The following ZNF804A variants were observed in gnomAD, a reference collection of about 807,000 sequenced individuals.
The protein encoded by ZNF804A is zinc finger protein 804A.
A neutral mutation model predicts 16.5 loss-of-function variants in ZNF804A; 2 were observed. The ratio of observed to expected loss-of-function variants is 0.12; its 90% confidence interval spans 0.05 to 0.38. The LOEUF is 0.38. Ranked by LOEUF, ZNF804A falls within the 10% of genes least tolerant of loss-of-function variation. ZNF804A has a pLI of 0.99. For missense variants in ZNF804A, 1,473 were observed against 1,390.7 expected (o/e 1.06, Z -0.94); for synonymous variants, 534 against 489.6 (o/e 1.09, Z -1.20).
At chr2:184,660,844 G>A (rs1197703968) in intron 1 of ZNF804A, among the ~76,000 whole-genome samples, 6 of 152,342 alleles carry the variant, frequency 3.9e-5, no homozygotes, top group Middle Eastern at 3.4e-3. Context: ...TGAGTTCTCA[G>A]TAGATACTAA....
intron 1 of ZNF804A, among the ~76,000 whole-genome samples, chr2:184,801,794 GA>G (rs1694731589): frequency 6.6e-6 from 1 of 152,120 alleles, no homozygotes; most frequent in African/African-American, 2.4e-5. Context: ...GTATACTTCT[GA>G]TGCTTGCTTT....
intron 2 of ZNF804A, among the ~76,000 whole-genome samples, chr2:184,919,234 C>A (rs1256431456): frequency 6.6e-6 from 1 of 152,168 alleles, no homozygotes; most frequent in Admixed American, 6.5e-5. Context: ...GGTAACACTG[C>A]CCCTTTCATG....
At chr2:184,905,685 G>A (rs1685261265) in intron 2 of ZNF804A, among the ~76,000 whole-genome samples, 1 of 152,128 alleles carries the variant, frequency 6.6e-6, no homozygotes, top group Admixed American at 6.6e-5. Context: ...AAATGGCATA[G>A]AGACTCTGTG....
At chr2:184,845,049 AT>A (rs2105801477) in intron 1 of ZNF804A, among the ~76,000 whole-genome samples, 1 of 151,960 alleles carries the variant, frequency 6.6e-6, no homozygotes, top group Non-Finnish European at 1.5e-5. Flanking sequence ...AATTTCTAAT[AT>A]TTTATTTTTA....
chr2:184,663,317 C>T (rs921741620), intron 1 of ZNF804A, among the ~76,000 whole-genome samples: 9 of 152,154 alleles, frequency 5.9e-5, no homozygotes, highest in South Asian at 2.1e-4. Flanking sequence ...TGAGCCTGGG[C>T]GCTGTCACTG....
intron 1 of ZNF804A, among the ~76,000 whole-genome samples, chr2:184,785,588 A>T (rs1294004828): frequency 6.6e-6 from 1 of 152,038 alleles, no homozygotes; most frequent in Non-Finnish European, 1.5e-5. Context: ...CATAGAAGTC[A>T]TTCACCAGAA....
intron 1 of ZNF804A, among the ~76,000 whole-genome samples, chr2:184,738,306 G>A (rs1388954642): frequency 2.0e-5 from 3 of 151,968 alleles, no homozygotes. Flanking sequence ...ACATGTGTAA[G>A]CATTTAACTT....
At chr2:184,916,890 A>G (rs1685457822) in intron 2 of ZNF804A, among the ~76,000 whole-genome samples, 1 of 151,804 alleles carries the variant, frequency 6.6e-6, no homozygotes, top group Non-Finnish European at 1.5e-5. Context: ...CAGAAAAAGA[A>G]AAAAAAATGC....
intron 1 of ZNF804A, among the ~76,000 whole-genome samples, chr2:184,821,705 C>T (rs1332166711): frequency 6.6e-6 from 1 of 152,070 alleles, no homozygotes; most frequent in Non-Finnish European, 1.5e-5. Flanking sequence ...GGAACTTAAA[C>T]AGATTTACAA....
intron 1 of ZNF804A, among the ~76,000 whole-genome samples, chr2:184,857,403 C>T (rs559520838): frequency 6.6e-6 from 1 of 152,008 alleles, no homozygotes; most frequent in Non-Finnish European, 1.5e-5. Context: ...AACATATAGG[C>T]TATCCAGGAG....
At chr2:184,650,168 T>C (rs1691956057) in intron 1 of ZNF804A, among the ~76,000 whole-genome samples, 1 of 152,058 alleles carries the variant, frequency 6.6e-6, no homozygotes, top group South Asian at 2.1e-4. Context: ...CACAAATCAA[T>C]AAATGTGACT....
intron 1 of ZNF804A, among the ~76,000 whole-genome samples, chr2:184,772,803 T>C (rs1461127906): frequency 2.0e-5 from 3 of 151,430 alleles, no homozygotes; most frequent in Non-Finnish European, 2.9e-5. Context: ...CCAAAACTTG[T>C]TATTATCTGT....
At chr2:184,710,557 G>A (rs888922018) in intron 1 of ZNF804A, among the ~76,000 whole-genome samples, 2 of 151,672 alleles carry the variant, frequency 1.3e-5, no homozygotes, top group Non-Finnish European at 3.0e-5. Context: ...AAAGTTTTAA[G>A]TGTATAATAC....
chr2:184,872,613 A>T (rs563103503), intron 2 of ZNF804A, among the ~76,000 whole-genome samples: 1 of 152,318 alleles, frequency 6.6e-6, no homozygotes, highest in African/African-American at 2.4e-5. Context: ...AAAATGCATT[A>T]AATGGAAGGA....
At chr2:184,800,593 T>A (rs1694708152) in intron 1 of ZNF804A, among the ~76,000 whole-genome samples, 1 of 151,672 alleles carries the variant, frequency 6.6e-6, no homozygotes, top group Admixed American at 6.6e-5. Context: ...TTTCTAGCTA[T>A]CTCTTAATTT....
chr2:184,716,785 A>G (rs1167921460), intron 1 of ZNF804A, among the ~76,000 whole-genome samples: 1 of 152,208 alleles, frequency 6.6e-6, no homozygotes, highest in African/African-American at 2.4e-5. Flanking sequence ...GTGTGTGTGT[A>G]TATGTGTGTA....
intron 1 of ZNF804A, among the ~76,000 whole-genome samples, chr2:184,758,722 T>G (rs1693996709): frequency 6.6e-6 from 1 of 152,028 alleles, no homozygotes; most frequent in Non-Finnish European, 1.5e-5. Flanking sequence ...ACATAACTAA[T>G]GATATAACAC....
At chr2:184,653,790 A>T (rs540092514) in intron 1 of ZNF804A, among the ~76,000 whole-genome samples, 1 of 152,158 alleles carries the variant, frequency 6.6e-6, no homozygotes, top group East Asian at 1.9e-4. Flanking sequence ...AGAAGGTTAT[A>T]CTCCAGCAGT....
At chr2:184,774,022 T>C (rs1429414514) in intron 1 of ZNF804A, among the ~76,000 whole-genome samples, 2 of 151,846 alleles carry the variant, frequency 1.3e-5, no homozygotes, top group African/African-American at 4.8e-5. Flanking sequence ...AGAAAAATAC[T>C]TAGTCTGCTG....
Sources: allele counts gnomAD v4.1 joint callset (sites outside exome capture counted in the v4.1 genomes callset), GRCh38; gene constraint gnomAD v4.1.1; transcripts MANE v1.5; gene names NCBI Gene and HGNC (gene_info 2026-07-23, HGNC 2026-07-21).